The following EIF5B variants were observed in gnomAD, a reference collection of about 807,000 sequenced individuals.
EIF5B encodes eukaryotic translation initiation factor 5B, also known as eIF-5B.
Under a neutral mutation model 147.5 loss-of-function variants are expected in EIF5B, and 47 were observed. The observed-to-expected ratio is 0.32, with a 90% CI of 0.25 to 0.41. The LOEUF (loss-of-function observed/expected upper bound fraction) is 0.41, where lower values mean the gene tolerates loss of function less well. EIF5B is among the 10% of genes least tolerant of loss of function. The probability of loss-of-function intolerance (pLI) is 1.00; values close to 1 mark genes in which losing one functional copy is unlikely to be tolerated. For synonymous variants in EIF5B, 455 were observed against 456.2 expected, an observed-to-expected ratio of 1.00 and a Z score of 0.03; for missense variants, 1,064 against 1,413.2, an observed-to-expected ratio of 0.75 and a Z score of 3.96.
intron 1 of EIF5B, among the ~76,000 whole-genome samples, chr2:99,340,938 T>C (rs948956135): frequency 1.3e-5 from 2 of 152,146 alleles, no homozygotes; most frequent in African/African-American, 4.8e-5. Context: ...CTAATTTTTG[T>C]GTTTTTAGTA....
At chr2:99,362,647 G>A (rs1467597442) in intron 4 of EIF5B, among the ~76,000 whole-genome samples, 3 of 151,794 alleles carry the variant, frequency 2.0e-5, no homozygotes, top group Non-Finnish European at 2.9e-5. Flanking sequence ...TGCAGTGAGC[G>A]GAGATCGCAC....
At chr2:99,366,974 A>T (rs1674340820) in intron 6 of EIF5B, among the ~76,000 whole-genome samples, 1 of 152,204 alleles carries the variant, frequency 6.6e-6, no homozygotes, top group Admixed American at 6.5e-5. Flanking sequence ...TACTAGAACA[A>T]TTGGACATCT....
At position 99,390,319 on chromosome 2, in the gene EIF5B, T is replaced by C; in HGVS notation, c.2504T>C (p.Ile835Thr). ...AHTGDGMGSL[I>T]YLLVELTQTM... ...ACTGGTGATGGCATGGGAAGTCTGA[T>C]CTACCTTCTTGTAGAGTTAACTCAG... Residue 835 changes from isoleucine (I) to threonine (T), a missense_variant, in exon 16 of 24, where the codon ATC becomes ACC. Coordinates refer to ENST00000289371, the MANE Select transcript of EIF5B (RefSeq NM_015904.4). The C allele has an allele frequency of 6.2e-7, 1 of 1,614,160 alleles. No individual in the cohort carries two copies. The highest frequency in any genetic ancestry group is 8.5e-7 in the Non-Finnish European group (1 of 1,180,014).
chr2:99,382,668 A>G (rs1235993691), intron 13 of EIF5B, 112 bp from the exon 14 acceptor site: 1 of 1,116,674 alleles, frequency 9.0e-7, no homozygotes, highest in Non-Finnish European at 1.2e-6. Context: ...TACTTGAACA[A>G]TTTAATACAT....
chr2:99,379,187 A>C, intron 11 of EIF5B, 61 bp downstream of exon 11: 4 of 1,476,184 alleles, frequency 2.7e-6, no homozygotes, highest in Non-Finnish European at 3.7e-6. Context: ...ACCTTATAAA[A>C]AAAAACTTTA....
chr2:99,359,751 T>C (rs184713309), intron 1 of EIF5B, among the ~76,000 whole-genome samples: 1 of 152,214 alleles, frequency 6.6e-6, no homozygotes, highest in African/African-American at 2.4e-5. Flanking sequence ...ATTTTAGTTT[T>C]CCCATTGGTA....
At position 99,345,048 on chromosome 2, in the gene EIF5B, C is replaced by T. The variant is rs1317062962; in HGVS notation, c.35+7459C>T. Among the ~76,000 whole-genome samples the T allele has an allele frequency of 6.6e-5, 10 of 152,236 alleles. No individual in the cohort carries two copies. In the East Asian group the frequency reaches 1.9e-3, roughly 29 times the overall value. On this transcript the variant is annotated intron_variant, in intron 1 of 23. Coordinates refer to ENST00000289371, the MANE Select transcript of EIF5B (RefSeq NM_015904.4). The stretch of plus-strand genomic sequence containing the variant: ...AATTCACATACAATGGAATCGTTGT[C>T]TGTGTTGTCAGATAAATGAAATGTC...
chr2:99,371,466 C>T (rs188173336), intron 8 of EIF5B, among the ~76,000 whole-genome samples, 190 bp from the exon 9 acceptor site: 147 of 138,694 alleles, frequency 1.1e-3, no homozygotes, highest in Non-Finnish European at 1.6e-3. Flanking sequence ...CCAGCCTGGG[C>T]GACAGAGCAA....
At chr2:99,382,603 T>C (rs536206769) in intron 13 of EIF5B, among the ~76,000 whole-genome samples, 177 bp from the exon 14 acceptor site, 1 of 152,290 alleles carries the variant, frequency 6.6e-6, no homozygotes, top group African/African-American at 2.4e-5. Context: ...TCATTCCACT[T>C]GAGGTCAATT....
At position 99,369,446 on chromosome 2, in the gene EIF5B, C is replaced by T. The variant is rs771515690; in HGVS notation, c.1442C>T (p.Pro481Leu). 1 of 1,610,626 alleles carries T rather than the reference C, an allele frequency of 6.2e-7. No homozygotes were observed. The highest frequency in any genetic ancestry group is 1.7e-4 in the Middle Eastern group (1 of 6,034). The part of the protein sequence containing the change: ...AAVEVMEQGV[P>L]EKEETPPPVE... The stretch of plus-strand genomic sequence containing the variant: ...GTAGAAGTTATGGAACAAGGAGTAC[C>T]AGAAAAGGAAGAGACACCACCTCCT... The change falls in exon 8 of 24, where the codon CCA (proline) becomes CTA (leucine). Residue 481 changes from proline (P) to leucine (L), a missense_variant. This residue lies in a region of EIF5B where 195 missense variants were observed against 186.3 expected (regional missense o/e 1.05). Transcript: ENST00000289371.
chr2:99,368,660 A>T (rs868291599), intron 7 of EIF5B, 69 bp downstream of exon 7: 7 of 1,233,830 alleles, frequency 5.7e-6, no homozygotes, highest in Non-Finnish European at 8.1e-6. Flanking sequence ...TCTTCAAAAC[A>T]GTGTCTGTAA....
intron 1 of EIF5B, among the ~76,000 whole-genome samples, chr2:99,358,222 A>T (rs936047303): frequency 6.6e-6 from 1 of 152,064 alleles, no homozygotes; most frequent in South Asian, 2.1e-4. Context: ...ATGCGCCACC[A>T]TGCCTGGCTA....
At chr2:99,337,713 G>A in intron 1 of EIF5B, 124 bp downstream of exon 1, 1 of 1,270,186 alleles carries the variant, frequency 7.9e-7, no homozygotes, top group Non-Finnish European at 1.1e-6. Context: ...TACCAGGCCT[G>A]GGCCCAGAGT....
chr2:99,396,557 G>A (rs1480573302), intron 21 of EIF5B, among the ~76,000 whole-genome samples: 2 of 152,164 alleles, frequency 1.3e-5, no homozygotes, highest in African/African-American at 4.8e-5. Context: ...GCAACAGAAT[G>A]GGGAGGAGGA....
intron 1 of EIF5B, among the ~76,000 whole-genome samples, 153 bp downstream of exon 1, chr2:99,337,742 C>T (rs1268605941): frequency 6.6e-6 from 1 of 152,188 alleles, no homozygotes; most frequent in Admixed American, 6.5e-5. Context: ...CGGGCCCAAG[C>T]CCCCGGGCCG....
At chr2:99,394,229 T>G in intron 18 of EIF5B, 38 bp from the exon 19 acceptor site, 1 of 1,581,882 alleles carries the variant, frequency 6.3e-7, no homozygotes. Flanking sequence ...AGGATAGAGG[T>G]GTGTTGACAA....
chr2:99,399,243 C>A, intron 23 of EIF5B, 64 bp from the exon 24 acceptor site: 1 of 1,498,896 alleles, frequency 6.7e-7, no homozygotes. Flanking sequence ...GCATCTGGGG[C>A]CACAGCTTTC....
chr2:99,372,400 G>A (rs527914834), intron 9 of EIF5B, among the ~76,000 whole-genome samples: 4 of 152,162 alleles, frequency 2.6e-5, no homozygotes, highest in East Asian at 3.9e-4. Flanking sequence ...GTGCAGTGGC[G>A]CAATCTCGGC....
At position 99,355,391 on chromosome 2, in the gene EIF5B, A is replaced by G. The variant is rs116001683; in HGVS notation, c.36-4845A>G. ...GTATATCATTTTAGGGCTGATTGTC[A>G]TCTTTACTGTGTTGAGTCTTATAGC... On this transcript the variant is annotated intron_variant, in intron 1 of 23. Coordinates refer to ENST00000289371, the MANE Select transcript of EIF5B (RefSeq NM_015904.4). 8.3e-3 allele frequency among the ~76,000 whole-genome samples: 1,257 copies of G among 152,218 alleles called. 20 individuals carry two copies. Among genetic ancestry groups the G allele is most frequent in the African/African-American group, 0.029 (1,188 of 41,538 alleles).
Sources: gnomAD v4.1 joint callset for allele counts (sites outside exome capture counted in the v4.1 genomes callset) on GRCh38, gnomAD v4.1.1 for gene constraint, gnomAD v4.1.1 regional missense constraint, MANE v1.5 for transcripts, NCBI Gene and HGNC (gene_info 2026-07-23, HGNC 2026-07-21) for gene names.